NLRC3: variants seen among roughly 807,000 people sequenced by gnomAD.
NLRC3 encodes the protein NLR family CARD domain containing 3.
NLRC3 carries 87 observed loss-of-function variants against 91.6 expected under a neutral mutation model. The observed-to-expected ratio is 0.95, with a 90% confidence interval of 0.80 to 1.14. The LOEUF (loss-of-function observed/expected upper bound fraction) is 1.14, where lower values mean the gene tolerates loss of function less well. Among genes scored for constraint, NLRC3 ranks in the 50% most tolerant of loss-of-function variants. NLRC3 has a pLI of 0.00. For missense variants in NLRC3, 1,577 were observed against 1,418.6 expected (o/e 1.11, Z -1.79); for synonymous variants, 694 against 625.3 (o/e 1.11, Z -1.64).
In NLRC3 at chr16:3,563,135, C is replaced by A. The variant is rs138457262; in HGVS notation, c.1802G>T (p.Arg601Leu). ...ALARLTGPAH[R>L]AALAYLLQVS... ...CTGCAGGAGGTAGGCCAGGGCAGCG[C>A]GGTGCGCGGGACCAGTCAGCCTGGC... Residue 601 changes from arginine (R) to leucine (L), a missense_variant, in exon 5 of 20, where the codon CGC becomes CTC. Physicochemically the swap from Arg to Leu is moderately radical, Grantham distance 102. Transcript: ENST00000359128. The A allele has an allele frequency of 2.5e-6, 4 of 1,584,850 alleles. No individual in the cohort carries two copies. The highest frequency in any genetic ancestry group is 1.7e-6 in the Non-Finnish European group (2 of 1,166,988).
intron 1 of NLRC3, among the ~76,000 whole-genome samples, 196 bp downstream of exon 1, chr16:3,576,953 A>G (rs2040326848): frequency 6.6e-6 from 1 of 152,202 alleles, no homozygotes; most frequent in Admixed American, 6.5e-5. Context: ...TACAGGCGTG[A>G]GCCACCGTGC....
chr16:3,558,544 T>A (rs1443893223), intron 6 of NLRC3, among the ~76,000 whole-genome samples: 1 of 151,412 alleles, frequency 6.6e-6, no homozygotes, highest in Admixed American at 6.6e-5. Flanking sequence ...TGGCAAATGG[T>A]AGAGTTATTT....
intron 5 of NLRC3, 31 bp downstream of exon 5, chr16:3,562,978 C>G: frequency 6.5e-7 from 1 of 1,542,256 alleles, no homozygotes; most frequent in Non-Finnish European, 8.7e-7. Context: ...CTGCCCCTTC[C>G]CCAGCCCCTG....
intron 1 of NLRC3, among the ~76,000 whole-genome samples, chr16:3,574,301 C>T (rs946610759): frequency 1.3e-5 from 2 of 152,050 alleles, no homozygotes; most frequent in Middle Eastern, 3.2e-3. Flanking sequence ...TTGTGGAGCA[C>T]GGCTTTTAAA....
At position 3,556,868 on chromosome 16, in the gene NLRC3, G is replaced by C. The variant is rs1266965967; in HGVS notation, c.2183+43C>G. 6 of 1,377,548 alleles carry C rather than the reference G, an allele frequency of 4.4e-6. No homozygotes were observed. In the Admixed American group the frequency reaches 1.0e-4, roughly 24 times the overall value. 85.3% of individuals were successfully genotyped at this position (1,377,548 alleles called of 1,614,324 possible). A position where few individuals can be genotyped will look rare whatever the true frequency, so the allele number is the denominator to read the frequency against. Reference sequence around the variant, plus strand: ...GGTGCCTGAGGAGAGGGTTTTCTGGGCCCTCTCTTGGGGTCACAACACAGG... The same window carrying C: ...GGTGCCTGAGGAGAGGGTTTTCTGGCCCCTCTCTTGGGGTCACAACACAGG... On this transcript the variant is annotated intron_variant, in intron 8 of 19. Coordinates refer to ENST00000359128, the MANE Select transcript of NLRC3 (RefSeq NM_178844.4).
chr16:3,564,328 C>G lies in NLRC3; in HGVS notation c.609G>C (p.Glu203Asp). 1 of 1,611,488 alleles carries G rather than the reference C, an allele frequency of 6.2e-7. No individual in the cohort carries two copies. Among genetic ancestry groups the G allele is most frequent in the Non-Finnish European group, 8.5e-7 (1 of 1,179,586 alleles). The change falls in exon 5 of 20, where the codon GAG (glutamate) becomes GAC (aspartate). Residue 203 changes from glutamate to aspartate, a missense_variant. Glu to Asp is a conservative substitution (Grantham distance 45). Coordinates refer to ENST00000359128, the MANE Select transcript of NLRC3 (RefSeq NM_178844.4). This position sits in a 1 kb window ranked among gnomAD's most constrained non-coding sequence, Gnocchi z 5.9. ...CTGGGACTGCCACCGCCAGGCTGGG[C>G]TCCCCGACGTGCGGGAAGACCGAGC... The part of the protein sequence containing the change: ...LICSVFPHVG[E>D]PSLAVAVPAR...
rs1177056346 is a variant in NLRC3, at chr16:3,569,387, TATATA to T, written c.-168-2068_-168-2064del. On this transcript the variant is annotated intron_variant, in intron 1 of 19. Transcript: ENST00000359128. ...TCTGAAAACCATATATATATATATA[TATATA>T]TATTATTTTTTTTTTTTTTTTTTTT... Among the ~76,000 whole-genome samples, 149 of 109,050 alleles carry T rather than the reference TATATA, an allele frequency of 1.4e-3. 1 individual carries two copies. The highest frequency in any genetic ancestry group is 5.1e-3 in the African/African-American group (127 of 24,792). 71.5% of individuals were successfully genotyped at this position (109,050 alleles called of 152,430 possible).
chr16:3,561,297 A>C (rs1217047380), intron 6 of NLRC3, among the ~76,000 whole-genome samples: 1 of 152,116 alleles, frequency 6.6e-6, no homozygotes, highest in Non-Finnish European at 1.5e-5. Context: ...CAATGAGCCG[A>C]GATCATGCCA....
At chr16:3,569,394 ATTATT>A (rs1262937547) in intron 1 of NLRC3, among the ~76,000 whole-genome samples, 7 of 47,294 alleles carry the variant, frequency 1.5e-4, no homozygotes, top group African/African-American at 3.8e-4. Flanking sequence ...ATATATATAT[ATTATT>A]TTTTTTTTTT....
chr16:3,572,805 G>C (rs1197411622), intron 1 of NLRC3, among the ~76,000 whole-genome samples: 1 of 151,910 alleles, frequency 6.6e-6, no homozygotes, highest in Non-Finnish European at 1.5e-5. Flanking sequence ...CTGAGGTCAG[G>C]GGTTCGAGAC....
Position 3,563,458 on chromosome 16 carries a change from C to G in NLRC3, c.1479G>C (p.Thr493=). 6.3e-7 allele frequency: 1 copy of G among 1,581,782 alleles called. No individual in the cohort carries two copies. The highest frequency in any genetic ancestry group is 1.2e-5 in the South Asian group (1 of 86,820). The change falls in exon 5 of 20, where the codon ACG becomes ACC. Residue 493 remains threonine, a synonymous_variant. Transcript: ENST00000359128. ...CCCGCTGGGCTGCGCTCCTGAAATG[C>G]GTGAGGAAGCCCAGCCTGGGCCAGG... ...GVSWPRLGFL[T]HFRSAAQRAM...
At position 3,541,118 on chromosome 16, in the gene NLRC3, T is replaced by A. The variant is rs2038374705; in HGVS notation, c.*707A>T. The A allele has an allele frequency of 6.6e-6, 1 of 151,958 alleles. No homozygotes were observed. Among genetic ancestry groups the A allele is most frequent in the African/African-American group, 2.4e-5 (1 of 41,310 alleles). 9.4% of individuals were successfully genotyped at this position (151,958 alleles called of 1,614,324 possible). On this transcript the variant is annotated 3_prime_UTR_variant, in exon 20 of 20. Transcript: ENST00000359128. ...TACTGGGGAGGCTGAGGCAGGAGAA[T>A]CACATGAACCCGGGAGGCGGAGGTT... is the stretch of plus-strand genomic sequence containing the variant.
At chr16:3,546,593 G>T (rs1042553734) in intron 15 of NLRC3, among the ~76,000 whole-genome samples, 4 of 152,044 alleles carry the variant, frequency 2.6e-5, no homozygotes, top group Non-Finnish European at 4.4e-5. Context: ...GGAAGTGGGA[G>T]GTGAGAGTGA....
chr16:3,548,727 T>G lies in NLRC3; in HGVS notation c.2630A>C (p.Gln877Pro), dbSNP rs199475944. The change falls in exon 14 of 20, where the codon CAG becomes CCG. Residue 877 changes from glutamine to proline, a missense_variant. Coordinates refer to ENST00000359128, the MANE Select transcript of NLRC3 (RefSeq NM_178844.4). Reference sequence around the variant, plus strand: ...TGCCACTGCGATGGCCCGGGCACCCTGGTCGTGGAGGAGGTTGGCTGTCAG... The same window carrying G: ...TGCCACTGCGATGGCCCGGGCACCCGGGTCGTGGAGGAGGTTGGCTGTCAG... ...LDLTANLLHD[Q>P]GARAIAVAVR... 6.2e-7 allele frequency: 1 copy of G among 1,604,734 alleles called. No homozygotes were observed. Among genetic ancestry groups the G allele is most frequent in the East Asian group, 2.2e-5 (1 of 44,584 alleles).
intron 6 of NLRC3, 91 bp from the exon 7 acceptor site, chr16:3,557,767 G>A (rs1290162388): frequency 1.3e-6 from 1 of 793,856 alleles, no homozygotes; most frequent in Non-Finnish European, 2.1e-6. Flanking sequence ...AATCCTCTAG[G>A]CTCCCCCACA....
chr16:3,544,203 G>T, intron 16 of NLRC3, 43 bp downstream of exon 16: 2 of 1,128,550 alleles, frequency 1.8e-6, no homozygotes, highest in South Asian at 1.3e-5. Flanking sequence ...AAAGGATGGC[G>T]AAGGGACCGG....
At chr16:3,548,066 G>GC (rs1258502462) in intron 15 of NLRC3, 69 bp downstream of exon 15, 1 of 1,056,860 alleles carries the variant, frequency 9.5e-7, no homozygotes, top group Non-Finnish European at 1.4e-6. Flanking sequence ...TGCCTGATGG[G>GC]TACCAGGTTT....
rs928416895 is a variant in NLRC3 at position 3,541,741 on chromosome 16, C to T, written c.*84G>A. 1 of 903,834 alleles carries T rather than the reference C, an allele frequency of 1.1e-6. No homozygotes were observed. Among genetic ancestry groups the T allele is most frequent in the Non-Finnish European group, 1.8e-6 (1 of 561,648 alleles). The allele number at this position is 903,834 out of a possible 1,614,324, so 56.0% of individuals were successfully genotyped here. ...CTGAGCAAGCAGCGTTCCCAGCTCC[C>T]AGACAGGCCCCCCAGAAGTCGGCCT... On this transcript the variant is annotated 3_prime_UTR_variant, in exon 20 of 20. Coordinates refer to ENST00000359128, the MANE Select transcript of NLRC3 (RefSeq NM_178844.4).
chr16:3,544,120 T>C (rs984302893), intron 16 of NLRC3, 126 bp downstream of exon 16: 7 of 625,384 alleles, frequency 1.1e-5, no homozygotes, highest in Non-Finnish European at 2.0e-5. Context: ...ATTATGTCAC[T>C]GCACTCCAGC....
Sources: gnomAD v4.1 joint callset for allele counts (sites outside exome capture counted in the v4.1 genomes callset) on GRCh38, gnomAD v4.1.1 for gene constraint, Gnocchi (gnomAD v3.1) non-coding constraint, MANE v1.5 for transcripts, NCBI Gene and HGNC (gene_info 2026-07-23, HGNC 2026-07-21) for gene names.